The following ZNF385D variants were observed in gnomAD, a reference collection of about 807,000 sequenced individuals.
ZNF385D encodes the protein zinc finger protein 659.
A neutral mutation model predicts 35.8 loss-of-function variants in ZNF385D; 15 were observed. The ratio of observed to expected loss-of-function variants is 0.42; its 90% confidence interval spans 0.28 to 0.64. The LOEUF (loss-of-function observed/expected upper bound fraction) is 0.64. Among genes scored for constraint, ZNF385D ranks in the 30% least tolerant of loss-of-function variants. The probability of loss-of-function intolerance (pLI) is 0.23; values close to 1 mark genes in which losing one functional copy is unlikely to be tolerated. For synonymous variants in ZNF385D, 212 were observed against 186.8 expected, an observed-to-expected ratio of 1.13 and a Z score of -1.10; for missense variants, 474 against 494.6, an observed-to-expected ratio of 0.96 and a Z score of 0.39.
At chr3:21,896,501 A>G (rs259494) in intron 3 of ZNF385D, among the ~76,000 whole-genome samples, 54,699 of 152,032 alleles carry the variant, frequency 0.36, 10,265 homozygotes, top group East Asian at 0.45. Flanking sequence ...ACTGAATTAT[A>G]TGGGGGCAAA....
At chr3:22,302,358 C>G (rs1702947592) in intron 2 of ZNF385D, among the ~76,000 whole-genome samples, 1 of 151,478 alleles carries the variant, frequency 6.6e-6, no homozygotes, top group South Asian at 2.1e-4. Flanking sequence ...ATATGCTTTT[C>G]TATCAATGAA....
At chr3:22,062,613 C>T (rs1699748937) in intron 3 of ZNF385D, among the ~76,000 whole-genome samples, 1 of 152,184 alleles carries the variant, frequency 6.6e-6, no homozygotes. Context: ...CCCACAAATT[C>T]TGACCCCCTC....
intron 2 of ZNF385D, among the ~76,000 whole-genome samples, chr3:21,628,411 T>G (rs982294684): frequency 6.6e-6 from 1 of 152,084 alleles, no homozygotes; most frequent in African/African-American, 2.4e-5. Flanking sequence ...TGCCACTAAC[T>G]GATTGTGTTA....
intron 4 of ZNF385D, among the ~76,000 whole-genome samples, chr3:21,505,438 G>A (rs1706702516): frequency 6.6e-6 from 1 of 152,072 alleles, no homozygotes; most frequent in Admixed American, 6.6e-5. Context: ...GCCTGACAAA[G>A]TTTAAGGCAC....
chr3:22,277,963 C>T (rs987867144), intron 2 of ZNF385D, among the ~76,000 whole-genome samples: 1 of 151,992 alleles, frequency 6.6e-6, no homozygotes, highest in Admixed American at 6.6e-5. Flanking sequence ...TATTTTAAAC[C>T]TCACGTCCTT....
intron 3 of ZNF385D, among the ~76,000 whole-genome samples, chr3:21,992,264 G>T (rs985452702): frequency 6.6e-6 from 1 of 151,944 alleles, no homozygotes; most frequent in African/African-American, 2.4e-5. Flanking sequence ...CCCCTAGAAG[G>T]TATCTAGTAG....
At chr3:22,297,554 A>G (rs1039251239) in intron 2 of ZNF385D, among the ~76,000 whole-genome samples, 1 of 152,126 alleles carries the variant, frequency 6.6e-6, no homozygotes, top group Non-Finnish European at 1.5e-5. Flanking sequence ...TGCAGTGGGT[A>G]AAGTCCAGAG....
chr3:21,865,394 A>T (rs1684503), intron 3 of ZNF385D, among the ~76,000 whole-genome samples: 69,231 of 151,670 alleles, frequency 0.46, 16,143 homozygotes, highest in African/African-American at 0.54. Flanking sequence ...ATCCTTGTTC[A>T]GCAATTTAAC....
chr3:21,751,169 T>C lies in ZNF385D; in HGVS notation c.-253A>G. 7.1e-7 allele frequency: 1 copy of C among 1,406,164 alleles called. No homozygotes were observed. The highest frequency in any genetic ancestry group is 1.5e-5 in the South Asian group (1 of 65,840). The allele number at this position is 1,406,164 out of a possible 1,614,324, so 87.1% of individuals were successfully genotyped here. The stretch of plus-strand genomic sequence containing the variant: ...CTGCCCATCCTTACTGTAATCCGAC[T>C]CCTCCTTGCGATGTCCTTGCCGCGC... On this transcript the variant is annotated 5_prime_UTR_variant, in exon 1 of 8. Transcript: ENST00000281523.
intron 3 of ZNF385D, among the ~76,000 whole-genome samples, chr3:21,911,249 G>A (rs960353515): frequency 1.3e-5 from 2 of 151,912 alleles, no homozygotes; most frequent in East Asian, 3.8e-4. Flanking sequence ...AGGTTTTTAT[G>A]AGAGTCCATT....
intron 3 of ZNF385D, among the ~76,000 whole-genome samples, chr3:21,814,002 T>G (rs1256116569): frequency 1.3e-5 from 2 of 152,162 alleles, no homozygotes; most frequent in Non-Finnish European, 2.9e-5. Context: ...ACAGCAGATC[T>G]CTCGGCAGAA....
At chr3:22,271,073 ACACT>A (rs1288016401) in intron 2 of ZNF385D, among the ~76,000 whole-genome samples, 1 of 151,946 alleles carries the variant, frequency 6.6e-6, no homozygotes, top group Non-Finnish European at 1.5e-5. Context: ...TTTTCCTGGA[ACACT>A]CACTATCTTG....
chr3:22,133,871 T>C (rs1703949245), intron 3 of ZNF385D: 1 of 151,776 alleles, frequency 6.6e-6, no homozygotes, highest in Non-Finnish European at 1.5e-5. Flanking sequence ...TTCTAACTAC[T>C]AAGTGAAGGG....
intron 2 of ZNF385D, among the ~76,000 whole-genome samples, chr3:21,619,413 CGTGTGTGTGT>C (rs10594035): frequency 3.4e-5 from 5 of 147,856 alleles, no homozygotes; most frequent in South Asian, 2.2e-4. Context: ...CGTGTGTGTG[CGTGTGTGTGT>C]GTGTGTGTGT....
intron 2 of ZNF385D, among the ~76,000 whole-genome samples, chr3:22,198,015 A>G (rs1696534086): frequency 6.6e-6 from 1 of 151,984 alleles, no homozygotes; most frequent in Admixed American, 6.6e-5. Context: ...TACCCTATAT[A>G]TCTGTGTATT....
intron 2 of ZNF385D, among the ~76,000 whole-genome samples, chr3:22,262,705 A>C (rs529565441): frequency 6.1e-4 from 92 of 152,018 alleles, no homozygotes; most frequent in African/African-American, 2.1e-3. Flanking sequence ...TCTCATTTCA[A>C]AATAAAAGTT....
intron 2 of ZNF385D, among the ~76,000 whole-genome samples, chr3:22,347,678 T>G (rs545622998): frequency 6.6e-6 from 1 of 152,308 alleles, no homozygotes; most frequent in East Asian, 1.9e-4. Context: ...ATGATATGAC[T>G]GTTTCACTTT....
intron 3 of ZNF385D, among the ~76,000 whole-genome samples, chr3:21,879,115 T>C (rs1029275467): frequency 6.6e-6 from 1 of 152,008 alleles, no homozygotes; most frequent in African/African-American, 2.4e-5. Flanking sequence ...ACTTTGCTTG[T>C]CTTGAATGAC....
rs1219885647 is a variant in ZNF385D, at chr3:21,684,396, CTCTCTCTCCT to C, written c.23-19378_23-19369del. Among the ~76,000 whole-genome samples, 699 of 82,968 alleles carry C rather than the reference CTCTCTCTCCT, an allele frequency of 8.4e-3. 5 individuals carry two copies. Among genetic ancestry groups the C allele is most frequent in the African/African-American group, 0.042 (670 of 16,136 alleles). The allele number at this position is 82,968 out of a possible 152,430, so 54.4% of individuals were successfully genotyped here. On this transcript the variant is annotated intron_variant, in intron 1 of 7. Coordinates refer to ENST00000281523, the MANE Select transcript of ZNF385D (RefSeq NM_024697.3). ...TCTCTCTCTCTCTCTCTCTCTCTCT[CTCTCTCTCCT>C]CTCTCTCTCTCTCTCTCTCTCTCTC...
Sources: allele counts gnomAD v4.1 joint callset (sites outside exome capture counted in the v4.1 genomes callset), GRCh38; gene constraint gnomAD v4.1.1; transcripts MANE v1.5; gene names NCBI Gene and HGNC (gene_info 2026-07-23, HGNC 2026-07-21).